Variants in ZC4H2 observed in about 807,000 individuals in gnomAD.
The protein encoded by ZC4H2 is zinc finger C4H2 domain-containing protein.
For missense variants in ZC4H2, 137 were observed against 173.9 expected (o/e 0.79, Z 1.19); for synonymous variants, 84 against 66.3 (o/e 1.27, Z -1.30).
At chrX:64,959,080 G>T (rs760507115) in intron 1 of ZC4H2, among the ~76,000 whole-genome samples, 36 of 111,065 alleles carry the variant, frequency 3.2e-4, no homozygotes, top group African/African-American at 1.2e-3. Context: ...AAGCAGAAAT[G>T]ATGTCTACAA....
At chrX:64,953,779 AACTAGAAAT>A (rs1411566774) in intron 1 of ZC4H2, among the ~76,000 whole-genome samples, 1 of 111,566 alleles carries the variant, frequency 9.0e-6, no homozygotes, top group East Asian at 2.8e-4. Flanking sequence ...AGGGATCTAG[AACTAGAAAT>A]ACCACTTGAC....
intron 1 of ZC4H2, among the ~76,000 whole-genome samples, chrX:65,033,569 G>C (rs1463348773): frequency 9.0e-6 from 1 of 111,297 alleles, no homozygotes; most frequent in Non-Finnish European, 1.9e-5. Flanking sequence ...AGATCTTAGA[G>C]GACTTTGAAT....
intron 1 of ZC4H2, among the ~76,000 whole-genome samples, chrX:64,951,873 C>A (rs1467971225): frequency 8.1e-5 from 9 of 111,120 alleles, no homozygotes; most frequent in Non-Finnish European, 1.5e-4. Context: ...GAAGTCCTTG[C>A]CAATTCGTAT....
intron 1 of ZC4H2, among the ~76,000 whole-genome samples, chrX:64,972,891 C>T (rs1569220790): frequency 1.8e-5 from 2 of 112,073 alleles, no homozygotes; most frequent in African/African-American, 3.2e-5. Flanking sequence ...ATAGTACTTT[C>T]TCCATTTTAA....
intron 1 of ZC4H2, among the ~76,000 whole-genome samples, chrX:64,950,557 G>A (rs1423589515): frequency 1.8e-5 from 2 of 111,143 alleles, no homozygotes; most frequent in South Asian, 3.8e-4. Flanking sequence ...ATATATTTAG[G>A]ATAGTTAGCT....
At chrX:64,986,214 G>GA (rs1932182239) in intron 1 of ZC4H2, among the ~76,000 whole-genome samples, 2 of 112,147 alleles carry the variant, frequency 1.8e-5, no homozygotes, top group Non-Finnish European at 3.8e-5. Flanking sequence ...AATGCAACAA[G>GA]AAAAAAAGTG....
chrX:64,995,549 A>G (rs901685016), intron 1 of ZC4H2, among the ~76,000 whole-genome samples: 1 of 112,244 alleles, frequency 8.9e-6, no homozygotes, highest in Non-Finnish European at 1.9e-5. Flanking sequence ...GGGTAGAGAC[A>G]GGGTTTCGCC....
chrX:64,982,522 C>T (rs896591870), intron 1 of ZC4H2, among the ~76,000 whole-genome samples: 1 of 112,299 alleles, frequency 8.9e-6, no homozygotes, highest in Non-Finnish European at 1.9e-5. Context: ...ATTTGGAGAA[C>T]CCAAATTTGG....
intron 1 of ZC4H2, among the ~76,000 whole-genome samples, chrX:64,935,682 A>C (rs892873938): frequency 1.8e-5 from 2 of 112,171 alleles, no homozygotes; most frequent in South Asian, 7.4e-4. Context: ...CCAGGCAAAC[A>C]GGGTCTGGAG....
At chrX:64,921,243 C>T (rs935382200) in intron 2 of ZC4H2, among the ~76,000 whole-genome samples, 4 of 112,168 alleles carry the variant, frequency 3.6e-5, no homozygotes, top group African/African-American at 1.3e-4. Flanking sequence ...GCACTGCCAA[C>T]CTCCTTCCTT....
chrX:65,009,763 G>C (rs1932729596), intron 1 of ZC4H2, among the ~76,000 whole-genome samples: 1 of 111,583 alleles, frequency 9.0e-6, no homozygotes, highest in Admixed American at 9.5e-5. Flanking sequence ...GAGACTTGGG[G>C]GGCAAGGGTA....
At chrX:64,935,249 A>G (rs1602394744) in intron 1 of ZC4H2, among the ~76,000 whole-genome samples, 1 of 111,912 alleles carries the variant, frequency 8.9e-6, no homozygotes, top group Middle Eastern at 4.6e-3. Context: ...CAGCTCAGCA[A>G]GTTTGCTGTG....
rs753316526 is a variant in ZC4H2 at position 64,968,083 on chromosome X, C to A, written c.53+8242G>T. Among the ~76,000 whole-genome samples the A allele has an allele frequency of 2.9e-5, 3 of 103,565 alleles. No individual in the cohort carries two copies. In the Admixed American group the frequency reaches 2.9e-4, roughly 10 times the overall value. The allele number at this position is 103,565 out of a possible 115,157, so 89.9% of individuals were successfully genotyped here. ...TAAGAATCTATCTAAGTGACAGGAA[C>A]TGAAAGCAACCGTCTGTTAAGAAAG... On this transcript the variant is annotated intron_variant, in intron 1 of 4. Transcript: ENST00000374839.
intron 1 of ZC4H2, among the ~76,000 whole-genome samples, chrX:64,993,459 A>T (rs933636235): frequency 9.0e-6 from 1 of 111,400 alleles, no homozygotes; most frequent in African/African-American, 3.3e-5. Flanking sequence ...GTCCTTTCTG[A>T]GGTGATTAGG....
chrX:64,975,736 G>T (rs1931926043), intron 1 of ZC4H2, among the ~76,000 whole-genome samples: 1 of 111,317 alleles, frequency 9.0e-6, no homozygotes, highest in Admixed American at 9.5e-5. Context: ...CAGCGACCGC[G>T]TCCCCAGTCC....
At chrX:65,008,665 A>G (rs768541467) in intron 1 of ZC4H2, among the ~76,000 whole-genome samples, 1 of 112,406 alleles carries the variant, frequency 8.9e-6, no homozygotes, top group South Asian at 3.7e-4. Flanking sequence ...ATTTGCAACA[A>G]CCTGGATGGA....
At chrX:64,937,257 C>A (rs749186172) in intron 1 of ZC4H2, among the ~76,000 whole-genome samples, 12 of 111,027 alleles carry the variant, frequency 1.1e-4, no homozygotes, top group South Asian at 3.8e-4. Context: ...TATATATGCA[C>A]CCAATACAGG....
chrX:64,992,026 A>C (rs1932318862), intron 1 of ZC4H2, among the ~76,000 whole-genome samples: 1 of 111,594 alleles, frequency 9.0e-6, no homozygotes, highest in African/African-American at 3.3e-5. Flanking sequence ...GGGAGGAAAA[A>C]ATGGGGAGTG....
intron 1 of ZC4H2, among the ~76,000 whole-genome samples, chrX:64,951,933 G>A (rs1192762638): frequency 9.0e-6 from 1 of 111,353 alleles, no homozygotes; most frequent in South Asian, 3.8e-4. Flanking sequence ...TATGGTTTTA[G>A]GTCTAACGTT....
Sources: gnomAD v4.1 joint callset for allele counts (sites outside exome capture counted in the v4.1 genomes callset) on GRCh38, gnomAD v4.1.1 for gene constraint, MANE v1.5 for transcripts, NCBI Gene and HGNC (gene_info 2026-07-23, HGNC 2026-07-21) for gene names.